SEC24B: variants seen among roughly 807,000 people sequenced by gnomAD.
SEC24B encodes the protein protein transport protein Sec24B.
SEC24B carries 45 observed loss-of-function variants against 142.8 expected under a neutral mutation model. The observed-to-expected ratio is 0.32, with a 90% confidence interval of 0.25 to 0.40. The LOEUF is 0.40. SEC24B is among the 10% of genes least tolerant of loss of function. The pLI, the probability that SEC24B is intolerant of heterozygous loss-of-function variation, is 1.00. For synonymous variants in SEC24B, 574 were observed against 568.2 expected, an observed-to-expected ratio of 1.01 and a Z score of -0.15; for missense variants, 1,409 against 1,526.8, an observed-to-expected ratio of 0.92 and a Z score of 1.29.
Position 109,531,527 on chromosome 4 carries a change from G to A in SEC24B, c.3390+5G>A, listed in dbSNP as rs754001049. 6.3e-7 allele frequency: 1 copy of A among 1,592,158 alleles called. No individual in the cohort carries two copies. The highest frequency in any genetic ancestry group is 1.1e-5 in the South Asian group (1 of 90,132). On this transcript the variant is annotated splice_donor_5th_base_variant and intron_variant, in intron 20 of 23. Transcript: ENST00000265175. ...ATAGACAGATTGACAGATGAGGTAT[G>A]TATTTTAGTGCATTTGAAATGTTTA...
intron 1 of SEC24B, among the ~76,000 whole-genome samples, chr4:109,444,116 G>A (rs968880425): frequency 6.6e-6 from 1 of 151,954 alleles, no homozygotes; most frequent in East Asian, 1.9e-4. Flanking sequence ...CAGCTATTTG[G>A]GAGGCTGTGG....
rs528936689 is a variant in SEC24B at position 109,523,191 on chromosome 4, C to T, written c.2508+1565C>T. Among the ~76,000 whole-genome samples the T allele has an allele frequency of 3.9e-5, 6 of 152,152 alleles. No individual in the cohort carries two copies. In the South Asian group the frequency reaches 6.2e-4, roughly 16 times the overall value. On this transcript the variant is annotated intron_variant, in intron 14 of 23. Transcript: ENST00000265175. ...TATCTTAAAAAATAACAATAATGGC[C>T]GGGTGCAGTGGCTCACACCTATAAT... is the stretch of plus-strand genomic sequence containing the variant.
chr4:109,452,105 A>T (rs1474538979), intron 1 of SEC24B, among the ~76,000 whole-genome samples: 1 of 151,548 alleles, frequency 6.6e-6, no homozygotes. Context: ...TATAGTCAGT[A>T]CCTCTCACCA....
At position 109,532,713 on chromosome 4, in the gene SEC24B, A is replaced by G; in HGVS notation, c.3465A>G (p.Arg1155=). ...LQKLSAEKLT[R]EGAFLMDCGS... is the part of the protein sequence containing the mutation. ...AATTGTCTGCAGAGAAGCTGACAAG[A>G]GAAGGTGCTTTCCTTATGGACTGTG... The change falls in exon 21 of 24, where the codon AGA becomes AGG. Residue 1155 remains arginine (R), a synonymous_variant. Transcript: ENST00000265175. The G allele has an allele frequency of 6.2e-7, 1 of 1,606,616 alleles. No individual in the cohort carries two copies. Among genetic ancestry groups the G allele is most frequent in the Middle Eastern group, 1.7e-4 (1 of 6,048 alleles).
At chr4:109,492,147 A>G (rs905061113) in intron 5 of SEC24B, among the ~76,000 whole-genome samples, 3 of 145,296 alleles carry the variant, frequency 2.1e-5, no homozygotes, top group South Asian at 4.4e-4. Flanking sequence ...GGAATGTTCT[A>G]TACTTAAAAA....
rs1357308614 is a variant in SEC24B at position 109,540,487 on chromosome 4, TTTGA to T, written c.*816_*819del. On this transcript the variant is annotated 3_prime_UTR_variant, in exon 24 of 24. Transcript: ENST00000265175. ...GTTTGGTGATTTTTTGGGGTTTTTG[TTTGA>T]TTGGTTTTTTGTGGGGATTGGTGGG... 1 of 152,246 alleles carries T rather than the reference TTTGA, an allele frequency of 6.6e-6. No homozygotes were observed. The highest frequency in any genetic ancestry group is 1.5e-5 in the Non-Finnish European group (1 of 68,036). 9.4% of individuals were successfully genotyped at this position (152,246 alleles called of 1,614,324 possible). A position where few individuals can be genotyped will look rare whatever the true frequency, so the allele number is the denominator to read the frequency against.
intron 6 of SEC24B, among the ~76,000 whole-genome samples, chr4:109,498,684 G>C (rs1735791235): frequency 6.6e-6 from 1 of 152,064 alleles, no homozygotes; most frequent in Non-Finnish European, 1.5e-5. Flanking sequence ...TGAAGTTCCA[G>C]GTAGGGTAAT....
chr4:109,437,338 C>T (rs1728498528), intron 1 of SEC24B, among the ~76,000 whole-genome samples: 1 of 151,922 alleles, frequency 6.6e-6, no homozygotes, highest in South Asian at 2.1e-4. Context: ...AGGCTGGAGT[C>T]AGTGACTCCA....
At chr4:109,504,941 C>CAT (rs1294951414) in intron 6 of SEC24B, among the ~76,000 whole-genome samples, 1 of 151,938 alleles carries the variant, frequency 6.6e-6, no homozygotes, top group African/African-American at 2.4e-5. Context: ...AAGGTATAGA[C>CAT]ATAGAGTTAT....
At chr4:109,527,229 A>G (rs1440257821) in intron 17 of SEC24B, 93 bp from the exon 18 acceptor site, 38 of 934,548 alleles carry the variant, frequency 4.1e-5, no homozygotes, top group East Asian at 3.8e-4. Context: ...AAAAAAAAAA[A>G]AAAGAAAGAA....
intron 3 of SEC24B, among the ~76,000 whole-genome samples, chr4:109,473,490 G>A: frequency 8.2e-6 from 1 of 122,550 alleles, no homozygotes; most frequent in Non-Finnish European, 1.9e-5. Flanking sequence ...TTTTTTAAAG[G>A]TTATTATAGT....
rs534797918 is a variant in SEC24B at position 109,483,886 on chromosome 4, AT to A, written c.1165+2108del. On this transcript the variant is annotated intron_variant, in intron 4 of 23. Coordinates refer to ENST00000265175, the MANE Select transcript of SEC24B (RefSeq NM_006323.5). ...TACCCAGATAAACCATTTTTGCCAC[AT>A]TTGCTTTATAATTCTCTATCAACAT... Among the ~76,000 whole-genome samples the A allele has an allele frequency of 3.1e-3, 478 of 152,320 alleles. 4 individuals carry two copies. Among genetic ancestry groups the A allele is most frequent in the African/African-American group, 0.01 (430 of 41,568 alleles).
At chr4:109,514,699 AAAAC>A (rs748152885) in intron 10 of SEC24B, among the ~76,000 whole-genome samples, 200 of 152,334 alleles carry the variant, frequency 1.3e-3, no homozygotes, top group Non-Finnish European at 2.1e-3. Context: ...CTCCGTCTCA[AAAAC>A]AAACAAACAA....
At chr4:109,531,597 A>G in intron 20 of SEC24B, 75 bp downstream of exon 20, 1 of 1,100,084 alleles carries the variant, frequency 9.1e-7, no homozygotes, top group Non-Finnish European at 1.3e-6. Flanking sequence ...TAAGATGATA[A>G]TATACTATCA....
At chr4:109,468,252 CA>C (rs1208610677) in intron 2 of SEC24B, among the ~76,000 whole-genome samples, 1 of 152,202 alleles carries the variant, frequency 6.6e-6, no homozygotes, top group African/African-American at 2.4e-5. Context: ...TACTCCCTCA[CA>C]TACTTATTCC....
intron 1 of SEC24B, among the ~76,000 whole-genome samples, chr4:109,462,307 T>A (rs1400374610): frequency 6.6e-6 from 1 of 152,160 alleles, no homozygotes; most frequent in Non-Finnish European, 1.5e-5. Flanking sequence ...AAACAACAAC[T>A]ATTTATTTCA....
chr4:109,474,302 C>A lies in SEC24B; in HGVS notation c.1060+1116C>A, dbSNP rs542435027. ...AAAAGCTTTTAGGATAGATCAAAGC[C>A]CTAACTAAATGAATGGTGTCTTTTC... is the stretch of plus-strand genomic sequence containing the variant. On this transcript the variant is annotated intron_variant, in intron 3 of 23. Transcript: ENST00000265175. Among the ~76,000 whole-genome samples the A allele has an allele frequency of 1.9e-4, 29 of 152,240 alleles. No homozygotes were observed. In the South Asian group the frequency reaches 6.0e-3, roughly 32 times the overall value.
chr4:109,475,346 C>T (rs1216136454), intron 3 of SEC24B, among the ~76,000 whole-genome samples: 3 of 152,166 alleles, frequency 2.0e-5, no homozygotes, highest in East Asian at 1.9e-4. Flanking sequence ...GGAGCTTCTT[C>T]GAATTGTGCA....
intron 1 of SEC24B, among the ~76,000 whole-genome samples, chr4:109,446,228 A>T (rs1729447019): frequency 6.6e-6 from 1 of 152,212 alleles, no homozygotes. Flanking sequence ...ATACAATCAC[A>T]GCAGTTCTTA....
Sources: gnomAD v4.1 joint callset for allele counts (sites outside exome capture counted in the v4.1 genomes callset) on GRCh38, gnomAD v4.1.1 for gene constraint, MANE v1.5 for transcripts, NCBI Gene and HGNC (gene_info 2026-07-23, HGNC 2026-07-21) for gene names.